TMCO1: variants seen among roughly 807,000 people sequenced by gnomAD.
TMCO1 encodes the protein calcium load-activated calcium channel.
In TMCO1, 29 loss-of-function variants were observed where a neutral mutation model predicts 29.3. The observed-to-expected ratio is 0.99, with a 90% CI of 0.74 to 1.35. The LOEUF (loss-of-function observed/expected upper bound fraction) is 1.35, where lower values mean the gene tolerates loss of function less well. TMCO1 is among the 40% of genes most tolerant of loss of function. TMCO1 has a pLI of 0.00. For synonymous variants in TMCO1, 80 were observed against 77.1 expected (o/e 1.04, Z -0.20); for missense variants, 173 against 225.5 (o/e 0.77, Z 1.49).
At chr1:165,767,832 A>C (rs1652630475) in intron 2 of TMCO1, among the ~76,000 whole-genome samples, 1 of 152,148 alleles carries the variant, frequency 6.6e-6, no homozygotes, top group Non-Finnish European at 1.5e-5. Flanking sequence ...GGTGTGTACC[A>C]CCATACCCAG....
In TMCO1 at chr1:165,743,208, AG is replaced by A. The variant is rs774473965; in HGVS notation, c.426del (p.Phe143SerfsTer70). 26 of 1,614,016 alleles carry A rather than the reference AG, an allele frequency of 1.6e-5. No individual in the cohort carries two copies. The highest frequency in any genetic ancestry group is 2.1e-5 in the Non-Finnish European group (25 of 1,180,014). On this transcript the variant is annotated frameshift_variant, in exon 6 of 7. Transcript: ENST00000367881. LOFTEE classifies it high-confidence loss of function. The stretch of plus-strand genomic sequence containing the variant: ...GTACAGAGAATATACAGGAAAATGA[AG>A]GAACAGTCTGTGGTGTCATCTCCCA... ...NLLGDDTTDC[S>X]FIFLYILCTM...
intron 5 of TMCO1, among the ~76,000 whole-genome samples, chr1:165,750,487 G>T (rs1651953183): frequency 1.4e-5 from 2 of 145,984 alleles, no homozygotes; most frequent in African/African-American, 5.1e-5. Context: ...ATAGCAGTGT[G>T]TTGAGACCAG....
chr1:165,724,387 TC>T (rs780938405), downstream of TMCO1: 5 of 453,986 alleles, frequency 1.1e-5, no homozygotes, highest in African/African-American at 2.0e-5. Flanking sequence ...CAGCATGCTA[TC>T]ACCAAAATCC....
chr1:165,743,317 A>C lies in TMCO1; in HGVS notation c.324-6T>G. The C allele has an allele frequency of 6.2e-7, 1 of 1,606,126 alleles. No homozygotes were observed. ...CCACCACTCTACCATCAAATCTAAA[A>C]GAAAAAAAAAAAAAAAGAATTGTTA... is the stretch of plus-strand genomic sequence containing the variant. On this transcript the variant is annotated splice_polypyrimidine_tract_variant and splice_region_variant and intron_variant, in intron 5 of 6. Transcript: ENST00000367881.
chr1:165,743,167 C>T lies in TMCO1; in HGVS notation c.468G>A (p.Gln156=), dbSNP rs373042992. 1.9e-5 allele frequency: 31 copies of T among 1,614,022 alleles called. No homozygotes were observed. Among genetic ancestry groups the T allele is most frequent in the Non-Finnish European group, 2.5e-5 (30 of 1,179,960 alleles). Residue 156 remains glutamine (Q), a splice_region_variant and synonymous_variant, in exon 6 of 7, where the codon CAG becomes CAA. Coordinates refer to ENST00000367881, the MANE Select transcript of TMCO1 (RefSeq NM_019026.6). ...TTAAATGGTAGATGTGATCACTCAC[C>T]TGTCGAATCGACATAGTACAGAGAA... ...LYILCTMSIR[Q]NIQKILGLAP... is the part of the protein sequence containing the mutation.
downstream of TMCO1, chr1:165,725,400 CA>C (rs1313111776): frequency 2.2e-6 from 1 of 454,042 alleles, no homozygotes; most frequent in Non-Finnish European, 4.4e-6. Context: ...TGAATATCTA[CA>C]CACATTTGCT....
chr1:165,764,644 T>C (rs1297966238), intron 2 of TMCO1, among the ~76,000 whole-genome samples: 1 of 151,794 alleles, frequency 6.6e-6, no homozygotes, highest in Admixed American at 6.6e-5. Context: ...CATGAATGAA[T>C]AGAGAATAGG....
At chr1:165,766,316 G>A (rs1652565634) in intron 2 of TMCO1, among the ~76,000 whole-genome samples, 1 of 152,132 alleles carries the variant, frequency 6.6e-6, no homozygotes, top group Non-Finnish European at 1.5e-5. Flanking sequence ...TTGATGCGTG[G>A]ATATATGAAT....
intron 5 of TMCO1, 127 bp downstream of exon 5, chr1:165,751,970 ACTATT>A (rs1652007677): frequency 2.7e-6 from 2 of 731,016 alleles, no homozygotes. Context: ...TAATGGATAT[ACTATT>A]CTTGCAACTT....
At chr1:165,730,360 A>C (rs79584452) in intron 6 of TMCO1, among the ~76,000 whole-genome samples, 1,007 of 54,142 alleles carry the variant, frequency 0.019, 11 homozygotes, top group Middle Eastern at 0.083. Flanking sequence ...CAAAACAAAA[A>C]AAAAAAAAGA....
intron 2 of TMCO1, among the ~76,000 whole-genome samples, chr1:165,759,929 T>C (rs1652337738): frequency 6.6e-6 from 1 of 152,226 alleles, no homozygotes; most frequent in Non-Finnish European, 1.5e-5. Flanking sequence ...TAACTAGGGT[T>C]AATTGTAATT....
intron 2 of TMCO1, among the ~76,000 whole-genome samples, chr1:165,766,849 T>A (rs996104759): frequency 6.6e-6 from 1 of 152,018 alleles, no homozygotes; most frequent in African/African-American, 2.4e-5. Context: ...TGGAGCCAAA[T>A]TAATAAAGCA....
intron 3 of TMCO1, among the ~76,000 whole-genome samples, chr1:165,758,502 G>T (rs1290573432): frequency 6.7e-6 from 1 of 149,014 alleles, no homozygotes; most frequent in Non-Finnish European, 1.5e-5. Flanking sequence ...GTTGCAGTGA[G>T]CCGAGATCAC....
At chr1:165,758,448 C>T (rs911382919) in intron 3 of TMCO1, among the ~76,000 whole-genome samples, 2 of 151,736 alleles carry the variant, frequency 1.3e-5, no homozygotes, top group South Asian at 2.1e-4. Flanking sequence ...CCCACCTACT[C>T]GTGAGGCTGA....
At position 165,758,795 on chromosome 1, in the gene TMCO1, C is replaced by A. The variant is rs74121483; in HGVS notation, c.208+730G>T. On this transcript the variant is annotated intron_variant, in intron 3 of 6. Transcript: ENST00000367881. ...AGTGAACAGACCACTTAAAAAACATCCAGGATCGCTATACTAACTGAAAAA... is the reference window on the plus strand; with the variant it reads ...AGTGAACAGACCACTTAAAAAACATACAGGATCGCTATACTAACTGAAAAA... 2.8e-3 allele frequency among the ~76,000 whole-genome samples: 429 copies of A among 152,206 alleles called. 3 individuals are homozygous for A. The highest frequency in any genetic ancestry group is 9.8e-3 in the African/African-American group (409 of 41,542).
chr1:165,767,862 C>T (rs993035247), intron 2 of TMCO1, among the ~76,000 whole-genome samples: 2 of 152,034 alleles, frequency 1.3e-5, no homozygotes, highest in Non-Finnish European at 2.9e-5. Flanking sequence ...TCTGTAGGGA[C>T]GAGGTCTCCC....
In TMCO1 at chr1:165,738,586, CT is replaced by C. The variant is rs562815633; in HGVS notation, c.468+4580del. Among the ~76,000 whole-genome samples the C allele has an allele frequency of 3.9e-3, 597 of 152,310 alleles. 4 individuals are homozygous for C. Among genetic ancestry groups the C allele is most frequent in the South Asian group, 0.01 (50 of 4,830 alleles). Reference sequence around the variant, plus strand: ...AAGAAGCATATATTCCATGATAACACTTCAAATGCTGTTAAGGCATTTCAGA... The same window carrying C: ...AAGAAGCATATATTCCATGATAACACTCAAATGCTGTTAAGGCATTTCAGA... On this transcript the variant is annotated intron_variant, in intron 6 of 6. Coordinates refer to ENST00000367881, the MANE Select transcript of TMCO1 (RefSeq NM_019026.6).
intron 6 of TMCO1, among the ~76,000 whole-genome samples, chr1:165,733,359 A>G (rs1342298198): frequency 6.6e-6 from 1 of 152,098 alleles, no homozygotes; most frequent in Non-Finnish European, 1.5e-5. Context: ...TTAGGCCAGG[A>G]GTGGTGGCTC....
chr1:165,768,541 G>C (rs1014799589), intron 1 of TMCO1, 141 bp downstream of exon 1: 2 of 1,561,304 alleles, frequency 1.3e-6, no homozygotes, highest in African/African-American at 2.7e-5. Context: ...CTGTTCACGA[G>C]TTGCCCAGAG....
Sources: allele counts gnomAD v4.1 joint callset (sites outside exome capture counted in the v4.1 genomes callset), GRCh38; gene constraint gnomAD v4.1.1; transcripts MANE v1.5; gene names NCBI Gene and HGNC (gene_info 2026-07-23, HGNC 2026-07-21).